CXADR: variants seen among roughly 807,000 people sequenced by gnomAD.
The protein encoded by CXADR is coxsackievirus and adenovirus receptor.
CXADR carries 20 observed loss-of-function variants against 40.3 expected under a neutral mutation model. The observed-to-expected ratio is 0.50, with a 90% CI of 0.35 to 0.72. The LOEUF (loss-of-function observed/expected upper bound fraction) is 0.72, where lower values mean the gene tolerates loss of function less well. Ranked by LOEUF, CXADR falls within the 30% of genes least tolerant of loss-of-function variation. The pLI, the probability that CXADR is intolerant of heterozygous loss-of-function variation, is 0.01. For missense variants in CXADR, 332 were observed against 449.1 expected, an observed-to-expected ratio of 0.74 and a Z score of 2.36; for synonymous variants, 150 against 161.3, an observed-to-expected ratio of 0.93 and a Z score of 0.53.
In CXADR at chr21:17,565,524, G is replaced by A. The variant is rs2123330647; in HGVS notation, c.930G>A (p.Met310Ile). ...TGGGGTCCATGTCTCCTTCCAACAT[G>A]GAAGGATATTCCAAGACTCAGTATA... ...SSLGSMSPSN[M>I]EGYSKTQYNQ... Residue 310 changes from methionine (M) to isoleucine (I), a missense_variant, in exon 7 of 7, where the codon ATG (methionine) becomes ATA (isoleucine). By Grantham distance (10) the Met-to-Ile change is conservative. Around this residue, in one of 3 missense-constraint regions of CXADR, gnomAD observed 150 missense variants for 194.2 expected, o/e 0.77. Transcript: ENST00000284878. 1 of 1,613,890 alleles carries A rather than the reference G, an allele frequency of 6.2e-7. No individual in the cohort carries two copies. The highest frequency in any genetic ancestry group is 1.1e-5 in the South Asian group (1 of 91,066).
intron 1 of CXADR, among the ~76,000 whole-genome samples, chr21:17,514,225 T>C (rs1439427641): frequency 3.3e-5 from 5 of 152,118 alleles, no homozygotes; most frequent in Non-Finnish European, 7.3e-5. Flanking sequence ...TGTTAGGTGC[T>C]CTGAAGCAGG....
chr21:17,558,422 A>C (rs566925532), intron 3 of CXADR, among the ~76,000 whole-genome samples: 136 of 152,220 alleles, frequency 8.9e-4, no homozygotes, highest in Middle Eastern at 3.4e-3. Context: ...TGCCCAGCCC[A>C]GGTTTTCTTT....
At chr21:17,619,444 C>T in the CXADR span, among the ~76,000 whole-genome samples, 1 of 152,134 alleles carries the variant, frequency 6.6e-6, no homozygotes, top group Non-Finnish European at 1.5e-5. Flanking sequence ...CAAAATTTAG[C>T]TGGGCATGGT....
chr21:17,566,135 T>G lies in CXADR; in HGVS notation c.*443T>G, dbSNP rs1276656511. On this transcript the variant is annotated 3_prime_UTR_variant, in exon 7 of 7. Transcript: ENST00000284878. The stretch of plus-strand genomic sequence containing the variant: ...TATGGCCCACCAGTCTCCCCCAAAT[T>G]AGTACAGAAATATCCATGACAAAAT... 1.0e-6 allele frequency: 1 copy of G among 984,912 alleles called. No homozygotes were observed. Among genetic ancestry groups the G allele is most frequent in the Non-Finnish European group, 1.2e-6 (1 of 829,330 alleles). The allele number at this position is 984,912 out of a possible 1,614,324, so 61.0% of individuals were successfully genotyped here. A position where few individuals can be genotyped will look rare whatever the true frequency, so the allele number is the denominator to read the frequency against.
the CXADR span, among the ~76,000 whole-genome samples, chr21:17,620,587 CACTTGCTTGACACA>C: frequency 6.6e-6 from 1 of 152,046 alleles, no homozygotes; most frequent in Non-Finnish European, 1.5e-5. Flanking sequence ...GATGCTTAAA[CACTTGCTTGACACA>C]AGATTGCCAA....
At chr21:17,591,870 T>G (rs979610696) in intron 7 of CXADR, among the ~76,000 whole-genome samples, 8 of 151,964 alleles carry the variant, frequency 5.3e-5, no homozygotes, top group Non-Finnish European at 1.0e-4. Context: ...GGCAAACTTT[T>G]GTACCCCATG....
the CXADR span, among the ~76,000 whole-genome samples, chr21:17,609,804 GTA>G: frequency 6.6e-6 from 1 of 152,040 alleles, no homozygotes; most frequent in Non-Finnish European, 1.5e-5. Flanking sequence ...TTATACACAC[GTA>G]TGGAATATTA....
the CXADR span, among the ~76,000 whole-genome samples, chr21:17,636,160 T>C: frequency 1.3e-5 from 2 of 152,236 alleles, no homozygotes; most frequent in African/African-American, 4.8e-5. Context: ...TGAACTAAAC[T>C]CACTTTCAGT....
rs1159250292 is a variant in CXADR, at chr21:17,568,739, A to G, written c.*3047A>G. 1.0e-6 allele frequency: 1 copy of G among 984,604 alleles called. No homozygotes were observed. Among genetic ancestry groups the G allele is most frequent in the African/African-American group, 1.8e-5 (1 of 56,966 alleles). The allele number at this position is 984,604 out of a possible 1,614,324, so 61.0% of individuals were successfully genotyped here. ...TAGTTTACAGCTATTTTTTTTTCTT[A>G]CTGGTAATCTTAACTAATATGATTC... On this transcript the variant is annotated 3_prime_UTR_variant, in exon 7 of 7. Transcript: ENST00000284878.
At chr21:17,594,443 A>C, downstream of CXADR, 19 of 1,227,992 alleles carry the variant, frequency 1.5e-5, no homozygotes, top group African/African-American at 3.0e-5. Flanking sequence ...GATCACATCT[A>C]AGTGACACTC....
the CXADR span, among the ~76,000 whole-genome samples, chr21:17,621,911 C>T: frequency 2.2e-4 from 34 of 152,164 alleles, no homozygotes; most frequent in Middle Eastern, 3.4e-3. Flanking sequence ...AATTAAATAC[C>T]GCATAAAAGT....
chr21:17,608,927 C>G, the CXADR span: 1 of 1,579,400 alleles, frequency 6.3e-7, no homozygotes, highest in Admixed American at 1.8e-5. Context: ...TTGAACCCAC[C>G]TCAGGGGTTG....
intron 2 of CXADR, 24 bp downstream of exon 2, chr21:17,547,217 G>A (rs751952897): frequency 1.2e-5 from 20 of 1,613,322 alleles, no homozygotes; most frequent in Admixed American, 8.3e-5. Flanking sequence ...GTCCTTGCTC[G>A]CTTAGCAGCT....
At chr21:17,577,774 C>CTAA (rs980901505) in intron 7 of CXADR, among the ~76,000 whole-genome samples, 10 of 151,814 alleles carry the variant, frequency 6.6e-5, no homozygotes, top group Non-Finnish European at 1.3e-4. Context: ...ATAATTAAAA[C>CTAA]TTTTTACCTG....
chr21:17,565,402 C>CA (rs759479905), intron 6 of CXADR, 26 bp from the exon 7 acceptor site: 24 of 1,607,498 alleles, frequency 1.5e-5, no homozygotes, highest in Non-Finnish European at 2.0e-5. Context: ...ATTCTCTTGA[C>CA]ATGTATTGGG....
In CXADR at chr21:17,561,365, G is replaced by C. The variant is rs912371525; in HGVS notation, c.722G>C (p.Gly241Ala). ...TCAAATAAAGCTGGACTAATTGCAG[G>C]AGCCATTATAGGAACTTTGCTTGCT... Reference protein sequence around the residue: ...PPSNKAGLIAGAIIGTLLALA... With the variant: ...PPSNKAGLIAAAIIGTLLALA... Residue 241 changes from glycine (G) to alanine (A), a missense_variant, in exon 6 of 7, where the codon GGA becomes GCA. Physicochemically the swap from Gly to Ala is moderately conservative, Grantham distance 60. Transcript: ENST00000284878. 1 of 1,596,382 alleles carries C rather than the reference G, an allele frequency of 6.3e-7. No individual in the cohort carries two copies. Among genetic ancestry groups the C allele is most frequent in the Non-Finnish European group, 8.5e-7 (1 of 1,171,380 alleles).
At chr21:17,546,693 C>T (rs1254115873) in intron 1 of CXADR, among the ~76,000 whole-genome samples, 5 of 152,180 alleles carry the variant, frequency 3.3e-5, no homozygotes, top group African/African-American at 1.2e-4. Flanking sequence ...CAACCTGTAT[C>T]ACTCACCTTT....
At chr21:17,594,032 T>C (rs1051615758), downstream of CXADR, 6 of 1,538,480 alleles carry the variant, frequency 3.9e-6, no homozygotes, top group South Asian at 1.3e-5. Flanking sequence ...TAACTTTTAA[T>C]GTGTAGTAAG....
chr21:17,628,650 G>A, the CXADR span, among the ~76,000 whole-genome samples: 3 of 152,126 alleles, frequency 2.0e-5, no homozygotes, highest in Admixed American at 6.5e-5. Context: ...ACAGGCGCAC[G>A]CCACCACGCC....
Sources: gnomAD v4.1 joint callset for allele counts (sites outside exome capture counted in the v4.1 genomes callset) on GRCh38, gnomAD v4.1.1 for gene constraint, gnomAD v4.1.1 regional missense constraint, MANE v1.5 for transcripts, NCBI Gene and HGNC (gene_info 2026-07-23, HGNC 2026-07-21) for gene names.